The following PARP11 variants were observed in gnomAD, a reference collection of about 807,000 sequenced individuals.
PARP11 encodes the protein poly(ADP-ribose) polymerase family member 11.
In PARP11, 31 loss-of-function variants were observed where a neutral mutation model predicts 42.9. That is an observed-to-expected ratio of 0.72 (90% confidence interval 0.54 to 0.98). PARP11 has a LOEUF of 0.98. PARP11 is among the 50% of genes least tolerant of loss of function. The pLI is 0.00. For synonymous variants in PARP11, 137 were observed against 127.3 expected (o/e 1.08, Z -0.51); for missense variants, 365 against 413.1 (o/e 0.88, Z 1.01).
At chr12:3,842,264 G>A (rs756494129) in intron 1 of PARP11, 486 of 1,603,050 alleles carry the variant, frequency 3.0e-4, no homozygotes, top group Admixed American at 5.2e-4. Context: ...AAAATGAAGT[G>A]TCATATTTTG....
At chr12:3,817,018 T>C (rs1333040727) in intron 6 of PARP11, among the ~76,000 whole-genome samples, 4 of 152,018 alleles carry the variant, frequency 2.6e-5, no homozygotes, top group Admixed American at 6.6e-5. Context: ...GGTGAAACCC[T>C]GTCTCTACTA....
intron 3 of PARP11, among the ~76,000 whole-genome samples, chr12:3,828,325 G>C (rs1478048658): frequency 2.6e-5 from 4 of 152,044 alleles, no homozygotes; most frequent in African/African-American, 9.7e-5. Flanking sequence ...GAGGCGGGTG[G>C]ATCAGGAGGT....
intron 1 of PARP11, among the ~76,000 whole-genome samples, chr12:3,860,536 A>C (rs1948278110): frequency 6.6e-6 from 1 of 152,190 alleles, no homozygotes; most frequent in South Asian, 2.1e-4. Context: ...CAAGCCAATC[A>C]TTCATTTTGT....
At chr12:3,858,836 TC>T (rs1041533198) in intron 1 of PARP11, among the ~76,000 whole-genome samples, 3 of 152,098 alleles carry the variant, frequency 2.0e-5, no homozygotes, top group African/African-American at 7.2e-5. Flanking sequence ...ACGCCTGTAA[TC>T]CCAGCACCCT....
At chr12:3,836,861 C>CA (rs1432854077) in intron 1 of PARP11, among the ~76,000 whole-genome samples, 1 of 152,286 alleles carries the variant, frequency 6.6e-6, no homozygotes, top group East Asian at 1.9e-4. Flanking sequence ...AGCCCAGCAT[C>CA]AAGCATACAG....
chr12:3,861,269 T>A lies in PARP11; in HGVS notation c.18+11943A>T, dbSNP rs1948287809. Reference sequence around the variant, plus strand: ...TCCTTGCCAAATTATTATGTTGAAATTCTAACTCCTAATGTGATATGAAAA... The same window carrying A: ...TCCTTGCCAAATTATTATGTTGAAAATCTAACTCCTAATGTGATATGAAAA... On this transcript the variant is annotated intron_variant, in intron 1 of 7. Coordinates refer to ENST00000228820, the MANE Select transcript of PARP11 (RefSeq NM_020367.6). The surrounding 1 kb of genome is among the most constrained non-coding windows in gnomAD (Gnocchi z 4.6). 6.6e-6 allele frequency among the ~76,000 whole-genome samples: 1 copy of A among 152,188 alleles called. No individual in the cohort carries two copies. The highest frequency in any genetic ancestry group is 1.5e-5 in the Non-Finnish European group (1 of 68,016).
At chr12:3,826,106 A>C (rs1206031490) in intron 4 of PARP11, 52 bp downstream of exon 4, 29 of 1,046,672 alleles carry the variant, frequency 2.8e-5, no homozygotes, top group Non-Finnish European at 3.8e-5. Context: ...TTTCTGTCCA[A>C]TAGTAAGAAA....
chr12:3,849,252 G>T (rs1226292100), intron 1 of PARP11, among the ~76,000 whole-genome samples: 4 of 151,058 alleles, frequency 2.6e-5, no homozygotes, highest in Non-Finnish European at 2.9e-5. Flanking sequence ...AATTATGGAG[G>T]TACCTCAAAA....
intron 1 of PARP11, among the ~76,000 whole-genome samples, chr12:3,830,776 G>A (rs892570401): frequency 6.6e-6 from 1 of 152,122 alleles, no homozygotes; most frequent in East Asian, 1.9e-4. Flanking sequence ...TTATAAATGA[G>A]GAAACTAAGG....
At chr12:3,859,376 A>AAC (rs1948256616) in intron 1 of PARP11, among the ~76,000 whole-genome samples, 2 of 151,936 alleles carry the variant, frequency 1.3e-5, no homozygotes, top group African/African-American at 4.8e-5. Flanking sequence ...CAACTTGACC[A>AAC]ACACGGTGAA....
intron 3 of PARP11, among the ~76,000 whole-genome samples, chr12:3,826,575 G>A (rs150345549): frequency 1.9e-3 from 282 of 152,306 alleles, no homozygotes; most frequent in African/African-American, 6.3e-3. Context: ...AAAGCTAAGA[G>A]TACTAGAAAG....
intron 1 of PARP11, among the ~76,000 whole-genome samples, chr12:3,859,670 A>AT (rs1323078314): frequency 6.6e-6 from 1 of 152,210 alleles, no homozygotes; most frequent in East Asian, 1.9e-4. Context: ...TTCAGATTAG[A>AT]TTTTTTTGAA....
chr12:3,829,297 C>A (rs1006878378), intron 2 of PARP11, among the ~76,000 whole-genome samples: 1 of 152,142 alleles, frequency 6.6e-6, no homozygotes, highest in African/African-American at 2.4e-5. Flanking sequence ...CAGATAATTA[C>A]AATTTTTACA....
At chr12:3,813,999 C>G (rs1565529310) in intron 7 of PARP11, 38 bp downstream of exon 7, 1 of 1,492,098 alleles carries the variant, frequency 6.7e-7, no homozygotes. Context: ...GAAACTCTCT[C>G]CTGGGGCTCA....
In PARP11 at chr12:3,841,905, G is replaced by A. The variant is rs767573475; in HGVS notation, c.19-11887C>T. ...GTGGTTCAGTTTCCACAGTAGATGAGTTTCCAGCAGCCAGGAGTGAACATG... is the reference window on the plus strand; with the variant it reads ...GTGGTTCAGTTTCCACAGTAGATGAATTTCCAGCAGCCAGGAGTGAACATG... On this transcript the variant is annotated intron_variant, in intron 1 of 7. Coordinates refer to ENST00000228820, the MANE Select transcript of PARP11 (RefSeq NM_020367.6). 29 of 1,608,180 alleles carry A rather than the reference G, an allele frequency of 1.8e-5. No individual in the cohort carries two copies. In the Admixed American group the frequency reaches 2.8e-4, roughly 16 times the overall value.
At chr12:3,845,326 T>C (rs1947976346) in intron 1 of PARP11, among the ~76,000 whole-genome samples, 1 of 152,094 alleles carries the variant, frequency 6.6e-6, no homozygotes, top group Admixed American at 6.5e-5. Context: ...CTGGCAAGAG[T>C]AGGTTTCCCA....
rs968649802 is a variant in PARP11, at chr12:3,828,989, G to T, written c.189C>A (p.Ile63=). The T allele has an allele frequency of 1.9e-6, 3 of 1,613,700 alleles. No individual in the cohort carries two copies. Among genetic ancestry groups the T allele is most frequent in the South Asian group, 1.1e-5 (1 of 91,076 alleles). ...AAGGGTTTGTTTTGAAGCTTTTTTC[G>T]ATATCTTCACTGCTAACTGAACACT... The part of the protein sequence containing the change: ...NSQCSVSSED[I]EKSFKTNPCG... Residue 63 remains isoleucine (I), a synonymous_variant, in exon 3 of 8, where the codon ATC becomes ATA. Transcript: ENST00000228820.
At chr12:3,834,435 C>A (rs1415201151) in intron 1 of PARP11, among the ~76,000 whole-genome samples, 1 of 151,964 alleles carries the variant, frequency 6.6e-6, no homozygotes, top group Admixed American at 6.6e-5. Context: ...GAGTTTGAGA[C>A]CAGCCTGGCC....
rs1289629735 is a variant in PARP11, at chr12:3,861,009, T to TTCACAGGG, written c.18+12195_18+12202dup. Among the ~76,000 whole-genome samples, 1 of 152,166 alleles carries TTCACAGGG rather than the reference T, an allele frequency of 6.6e-6. No homozygotes were observed. The highest frequency in any genetic ancestry group is 2.4e-5 in the African/African-American group (1 of 41,434). On this transcript the variant is annotated intron_variant, in intron 1 of 7. Coordinates refer to ENST00000228820, the MANE Select transcript of PARP11 (RefSeq NM_020367.6). The surrounding 1 kb of genome is among the most constrained non-coding windows in gnomAD (Gnocchi z 4.6). ...TGCATTTTGGAAGCACATATTTGGT[T>TTCACAGGG]TCACAGGGTCACAGCTGGAGGAGAA... is the stretch of plus-strand genomic sequence containing the variant.
Sources: gnomAD v4.1 joint callset for allele counts (sites outside exome capture counted in the v4.1 genomes callset) on GRCh38, gnomAD v4.1.1 for gene constraint, Gnocchi (gnomAD v3.1) non-coding constraint, MANE v1.5 for transcripts, NCBI Gene and HGNC (gene_info 2026-07-23, HGNC 2026-07-21) for gene names.